The following ZMYND8 variants were observed in gnomAD, a reference collection of about 807,000 sequenced individuals.
The protein encoded by ZMYND8 is zinc finger MYND-type containing 8.
A neutral mutation model predicts 140.8 loss-of-function variants in ZMYND8; 37 were observed. That is an observed-to-expected ratio of 0.26 (90% CI 0.20 to 0.35). The LOEUF is 0.35. ZMYND8 is among the 10% of genes least tolerant of loss of function. The pLI, the probability that ZMYND8 is intolerant of heterozygous loss-of-function variation, is 1.00. For synonymous variants in ZMYND8, 592 were observed against 597.1 expected (o/e 0.99, Z 0.12); for missense variants, 1,068 against 1,570.0 (o/e 0.68, Z 5.40).
At chr20:47,334,811 A>G (rs1048720225) in intron 2 of ZMYND8, among the ~76,000 whole-genome samples, 5 of 151,826 alleles carry the variant, frequency 3.3e-5, no homozygotes, top group African/African-American at 1.2e-4. Flanking sequence ...GGGTTTCACC[A>G]TGTTGGCCAG....
intron 11 of ZMYND8, among the ~76,000 whole-genome samples, chr20:47,264,601 A>C (rs2075375278): frequency 6.6e-6 from 1 of 152,164 alleles, no homozygotes; most frequent in Non-Finnish European, 1.5e-5. Flanking sequence ...TAACACAATA[A>C]ATCTGTTTTA....
rs750839271 is a variant in ZMYND8, at chr20:47,310,135, T to C, written c.155A>G (p.His52Arg). 1 of 1,613,768 alleles carries C rather than the reference T, an allele frequency of 6.2e-7. No homozygotes were observed. The highest frequency in any genetic ancestry group is 8.5e-7 in the Non-Finnish European group (1 of 1,179,970). The change falls in exon 3 of 23, where the codon CAC becomes CGC. Residue 52 changes from histidine (H) to arginine (R), a missense_variant. His to Arg is a conservative substitution (Grantham distance 29). Coordinates refer to ENST00000471951, the MANE Select transcript of ZMYND8 (RefSeq NM_001281775.3). ...FPSPPHSSNG[H>R]SPQDTSTSPI... The stretch of plus-strand genomic sequence containing the variant: ...GCTTGTTGATGTGTCCTGCGGCGAG[T>C]GGCCATTGGAAGAATGTGGAGGGCT...
chr20:47,312,035 G>A (rs1416960280), intron 2 of ZMYND8, among the ~76,000 whole-genome samples: 1 of 152,146 alleles, frequency 6.6e-6, no homozygotes, highest in Non-Finnish European at 1.5e-5. Flanking sequence ...AGGAACGAAA[G>A]CTACAAATAC....
intron 1 of ZMYND8, chr20:47,356,334 A>G: frequency 1.0e-5 from 4 of 401,192 alleles, no homozygotes; most frequent in Non-Finnish European, 1.5e-5. Flanking sequence ...AGAGGGAAAG[A>G]AAAAAAAAAA....
chr20:47,354,385 G>A (rs1409432752), intron 1 of ZMYND8: 1 of 152,160 alleles, frequency 6.6e-6, no homozygotes, highest in Non-Finnish European at 1.5e-5. Context: ...CTTCTAGGGA[G>A]GCCACAAGAA....
Position 47,276,563 on chromosome 20 carries a change from T to A in ZMYND8, c.1231A>T (p.Ile411Leu). 1 of 1,613,914 alleles carries A rather than the reference T, an allele frequency of 6.2e-7. No homozygotes were observed. The highest frequency in any genetic ancestry group is 2.2e-5 in the East Asian group (1 of 44,828). The change falls in exon 11 of 23, where the codon ATA becomes TTA. Residue 411 changes from isoleucine (I) to leucine (L), a missense_variant. Coordinates refer to ENST00000471951, the MANE Select transcript of ZMYND8 (RefSeq NM_001281775.3). ...AGCTTGACCTTCTCCTGCTTGTCTA[T>A]CTTGGCAGTGCCGGCGCTGGGGTTG... ...PTNPSAGTAK[I>L]DKQEKVKLNF...
intron 18 of ZMYND8, among the ~76,000 whole-genome samples, chr20:47,226,187 A>C (rs559653452): frequency 1.1e-4 from 16 of 152,060 alleles, no homozygotes; most frequent in East Asian, 5.8e-4. Context: ...AGAAGCAACA[A>C]CACCCAAATC....
In ZMYND8 at chr20:47,276,425, T is replaced by C; in HGVS notation, c.1369A>G (p.Asn457Asp). The C allele has an allele frequency of 6.2e-7, 1 of 1,614,024 alleles. No homozygotes were observed. The change falls in exon 11 of 23, where the codon AAC (asparagine) becomes GAC (aspartate). Residue 457 changes from asparagine to aspartate, a missense_variant. Transcript: ENST00000471951. ...SDMPRSPMST[N>D]SSVHTGSDVE... is the part of the protein sequence containing the mutation. ...TCGGAGCCCGTGTGCACAGAAGAGT[T>C]TGTGCTCATGGGGGAGCGCGGCATA...
chr20:47,348,046 G>C (rs1269248714), intron 1 of ZMYND8, 120 bp from the exon 2 acceptor site: 1 of 954,776 alleles, frequency 1.0e-6, no homozygotes, highest in Admixed American at 1.9e-5. Context: ...CCTTATCCAG[G>C]GCTGGGGGAG....
intron 21 of ZMYND8, among the ~76,000 whole-genome samples, chr20:47,213,375 G>C (rs1448634361): frequency 1.3e-5 from 2 of 152,106 alleles, no homozygotes; most frequent in Non-Finnish European, 2.9e-5. Context: ...GTAAGATCAA[G>C]AGAAAAAATA....
chr20:47,221,244 ACAGGGGGTCCT>A, intron 20 of ZMYND8, 59 bp downstream of exon 20: 1 of 1,576,992 alleles, frequency 6.3e-7, no homozygotes, highest in Non-Finnish European at 8.6e-7. Flanking sequence ...AGGGCGGCAG[ACAGGGGGTCCT>A]AAGTCCACTT....
chr20:47,353,003 A>C (rs1340575470), intron 1 of ZMYND8: 1 of 152,234 alleles, frequency 6.6e-6, no homozygotes, highest in Non-Finnish European at 1.5e-5. Context: ...CTTTCTTTCC[A>C]GAGTCAACCA....
chr20:47,314,292 A>C (rs1275806950), intron 2 of ZMYND8, among the ~76,000 whole-genome samples: 1 of 152,154 alleles, frequency 6.6e-6, no homozygotes, highest in Non-Finnish European at 1.5e-5. Context: ...TGAGGTCAGG[A>C]GTTCGAGACC....
chr20:47,263,974 T>G (rs546068298), intron 11 of ZMYND8, among the ~76,000 whole-genome samples: 29 of 152,266 alleles, frequency 1.9e-4, no homozygotes, highest in African/African-American at 7.0e-4. Context: ...ACACTGGGCA[T>G]TGCATCCAGA....
chr20:47,238,951 C>T lies in ZMYND8; in HGVS notation c.2472G>A (p.Pro824=), dbSNP rs768512649. ...ATGSPVKKQR[P]LLPKETAPAV... ...CCGGGGCAGTCTCCTTCGGTAAAAG[C>T]GGCCTCTGCTTTTTCACTGGGCTTC... Residue 824 remains proline, a synonymous_variant, in exon 15 of 23, where the codon CCG becomes CCA. Coordinates refer to ENST00000471951, the MANE Select transcript of ZMYND8 (RefSeq NM_001281775.3). 7 of 1,613,078 alleles carry T rather than the reference C, an allele frequency of 4.3e-6. No individual in the cohort carries two copies. The highest frequency in any genetic ancestry group is 5.1e-6 in the Non-Finnish European group (6 of 1,179,170).
Position 47,212,803 on chromosome 20 carries a change from TG to T in ZMYND8, c.3485-79del. 2.2e-6 allele frequency: 3 copies of T among 1,351,846 alleles called. No individual in the cohort carries two copies. The East Asian group carries it at 7.1e-5, about 32-fold the overall frequency. 83.7% of individuals were successfully genotyped at this position (1,351,846 alleles called of 1,614,324 possible). A position where few individuals can be genotyped will look rare whatever the true frequency, so the allele number is the denominator to read the frequency against. ...CACAACCCCAAGTGCTTACTATTTT[TG>T]TTCATCAACAGGCTACTGTTATTAG... On this transcript the variant is annotated intron_variant, in intron 21 of 22. Transcript: ENST00000471951.
chr20:47,236,096 AACTGACTTTAG>A (rs763619439), intron 16 of ZMYND8, among the ~76,000 whole-genome samples: 11 of 152,224 alleles, frequency 7.2e-5, no homozygotes, highest in Admixed American at 2.6e-4. Flanking sequence ...GCACTTTATG[AACTGACTTTAG>A]AATCTAAGCC....
Position 47,301,813 on chromosome 20 carries a change from C to A in ZMYND8, c.235-2866G>T, listed in dbSNP as rs111352309. Among the ~76,000 whole-genome samples the A allele has an allele frequency of 3.3e-5, 5 of 152,202 alleles. 1 individual carries two copies. Among genetic ancestry groups the A allele is most frequent in the African/African-American group, 1.2e-4 (5 of 41,530 alleles). ...GATATGGTTTGGCTGTGTCCCCACC[C>A]AAATCTCATCTTGAATTGTAATTCC... On this transcript the variant is annotated intron_variant, in intron 3 of 22. Transcript: ENST00000471951.
At chr20:47,276,928 A>C in intron 10 of ZMYND8, 133 bp from the exon 11 acceptor site, 1 of 937,152 alleles carries the variant, frequency 1.1e-6, no homozygotes. Context: ...AAAAAAAAAA[A>C]ACTTGGTTTG....
Sources: gnomAD v4.1 joint callset for allele counts (sites outside exome capture counted in the v4.1 genomes callset) on GRCh38, gnomAD v4.1.1 for gene constraint, MANE v1.5 for transcripts, NCBI Gene and HGNC (gene_info 2026-07-23, HGNC 2026-07-21) for gene names.